JAM3: variants seen among roughly 807,000 people sequenced by gnomAD.
The protein encoded by JAM3 is junctional adhesion molecule 3, also known as junctional adhesion molecule C.
Under a neutral mutation model 39.4 loss-of-function variants are expected in JAM3, and 31 were observed. The ratio of observed to expected loss-of-function variants is 0.79; its 90% CI spans 0.59 to 1.06. The LOEUF is 1.06. Among genes scored for constraint, JAM3 ranks in the 50% least tolerant of loss-of-function variants. JAM3 has a pLI of 0.00. For synonymous variants in JAM3, 182 were observed against 148.7 expected, an observed-to-expected ratio of 1.22 and a Z score of -1.63; for missense variants, 455 against 391.4, an observed-to-expected ratio of 1.16 and a Z score of -1.37.
chr11:134,130,933 C>G (rs1942757809), intron 1 of JAM3, among the ~76,000 whole-genome samples: 1 of 152,142 alleles, frequency 6.6e-6, no homozygotes, highest in Non-Finnish European at 1.5e-5. Flanking sequence ...TGACTATAAA[C>G]CTACAGACGC....
chr11:134,072,364 GCTCACTGCAAAA>G (rs6144575), intron 1 of JAM3, among the ~76,000 whole-genome samples: 30,113 of 150,038 alleles, frequency 0.2, 3,197 homozygotes, highest in East Asian at 0.39. Flanking sequence ...CATGAGCTCA[GCTCACTGCAAAA>G]CTCACTGCAA....
intron 1 of JAM3, chr11:134,124,203 A>G (rs1942593781): frequency 1.4e-6 from 2 of 1,423,624 alleles, no homozygotes; most frequent in South Asian, 1.1e-5. Flanking sequence ...AACTCGAACC[A>G]AAGTCATCAC....
chr11:134,118,906 T>C (rs758066162), intron 1 of JAM3, among the ~76,000 whole-genome samples: 3 of 152,032 alleles, frequency 2.0e-5, no homozygotes, highest in Non-Finnish European at 4.4e-5. Context: ...TTAAGGTGGC[T>C]GCTAGGTGGA....
At chr11:134,099,052 T>G (rs557564695) in intron 1 of JAM3, among the ~76,000 whole-genome samples, 1 of 152,010 alleles carries the variant, frequency 6.6e-6, no homozygotes, top group East Asian at 1.9e-4. Flanking sequence ...ATACAAAAAT[T>G]AGCCATGTGT....
In JAM3 at chr11:134,130,227, G is replaced by T. The variant is rs1942742851; in HGVS notation, c.77-9624G>T. Reference sequence around the variant, plus strand: ...ATGCCAGTTTACCGACTTACAGTGAGAATGAGAGCTCCGTTATCAAAGAAA... The same window carrying T: ...ATGCCAGTTTACCGACTTACAGTGATAATGAGAGCTCCGTTATCAAAGAAA... On this transcript the variant is annotated intron_variant, in intron 1 of 8. Transcript: ENST00000299106. Among the ~76,000 whole-genome samples, 3 of 152,206 alleles carry T rather than the reference G, an allele frequency of 2.0e-5. No individual in the cohort carries two copies. The South Asian group carries it at 6.2e-4, about 32-fold the overall frequency.
At chr11:134,119,260 G>A (rs1022512053) in intron 1 of JAM3, among the ~76,000 whole-genome samples, 1 of 152,044 alleles carries the variant, frequency 6.6e-6, no homozygotes, top group Admixed American at 6.6e-5. Context: ...GGAAATGATA[G>A]AATCAAATAG....
chr11:134,080,241 A>G (rs1329943654), intron 1 of JAM3, among the ~76,000 whole-genome samples: 1 of 152,230 alleles, frequency 6.6e-6, no homozygotes, highest in Non-Finnish European at 1.5e-5. Flanking sequence ...GTAGCTGAGT[A>G]AAGAAAAATT....
At chr11:134,132,682 AATGGC>A (rs1208904322) in intron 1 of JAM3, among the ~76,000 whole-genome samples, 2 of 152,150 alleles carry the variant, frequency 1.3e-5, no homozygotes, top group Non-Finnish European at 2.9e-5. Context: ...GGTATTTCAA[AATGGC>A]TAACATTTCC....
intron 1 of JAM3, among the ~76,000 whole-genome samples, chr11:134,106,045 A>G (rs1336528869): frequency 1.3e-5 from 2 of 152,264 alleles, no homozygotes; most frequent in South Asian, 2.1e-4. Flanking sequence ...TGCCAAGTCA[A>G]TAATAAGCCA....
intron 6 of JAM3, 39 bp from the exon 7 acceptor site, chr11:134,148,508 G>A (rs555979256): frequency 3.1e-6 from 5 of 1,613,838 alleles, no homozygotes; most frequent in Non-Finnish European, 4.2e-6. Flanking sequence ...ATAACAGATA[G>A]TGTGTATCAT....
intron 1 of JAM3, chr11:134,124,246 T>A (rs1942595407): frequency 8.7e-7 from 1 of 1,149,646 alleles, no homozygotes; most frequent in African/African-American, 1.5e-5. Context: ...GGGAACTCGT[T>A]GAGAGTAGCA....
rs944200109 is a variant in JAM3 at position 134,080,594 on chromosome 11, T to C, written c.76+11435T>C. 2.6e-5 allele frequency among the ~76,000 whole-genome samples: 4 copies of C among 152,332 alleles called. No individual in the cohort carries two copies. In the South Asian group the frequency reaches 8.3e-4, roughly 32 times the overall value. ...CTCTTGTCTGTCGCCATATGAGACA[T>C]GCCTTTTACCTTCTGCCGTGATTGT... On this transcript the variant is annotated intron_variant, in intron 1 of 8. Transcript: ENST00000299106.
chr11:134,106,628 A>T (rs1260794599), intron 1 of JAM3, among the ~76,000 whole-genome samples: 1 of 152,216 alleles, frequency 6.6e-6, no homozygotes, highest in Non-Finnish European at 1.5e-5. Context: ...TCTACAAAGA[A>T]CTCAAATTTA....
chr11:134,085,047 C>T (rs1941726644), intron 1 of JAM3, among the ~76,000 whole-genome samples: 1 of 152,136 alleles, frequency 6.6e-6, no homozygotes, highest in African/African-American at 2.4e-5. Context: ...GAATACTCTG[C>T]CATCTTATTT....
intron 1 of JAM3, among the ~76,000 whole-genome samples, chr11:134,094,457 A>G (rs1388309488): frequency 1.5e-5 from 2 of 133,718 alleles, no homozygotes; most frequent in Non-Finnish European, 3.2e-5. Context: ...CTCCTTATTC[A>G]TCATGTTCCA....
intron 1 of JAM3, among the ~76,000 whole-genome samples, chr11:134,112,335 G>C (rs11604360): frequency 0.15 from 23,153 of 151,926 alleles, 1,920 homozygotes; most frequent in African/African-American, 0.22. Flanking sequence ...TGATCCACCT[G>C]TCTCAGCCTC....
intron 1 of JAM3, among the ~76,000 whole-genome samples, chr11:134,118,276 A>G (rs550526422): frequency 7.5e-4 from 115 of 152,328 alleles, no homozygotes; most frequent in African/African-American, 2.6e-3. Flanking sequence ...AGAGCCAAGA[A>G]TATTTTATAA....
At chr11:134,098,321 A>C (rs1942018787) in intron 1 of JAM3, among the ~76,000 whole-genome samples, 5 of 152,212 alleles carry the variant, frequency 3.3e-5, no homozygotes, top group Admixed American at 2.6e-4. Context: ...AATTAACTGA[A>C]ATCTTCTGTT....
Position 134,139,845 on chromosome 11 carries a change from C to CTG in JAM3, c.77-5_77-4insGT. On this transcript the variant is annotated splice_region_variant and splice_polypyrimidine_tract_variant and intron_variant, in intron 1 of 8. Transcript: ENST00000299106. ...GTCTCTGATTTTACTTTTCTTTCTCCTTCAGGCTGCCTGATAGGGGCTGTA... is the reference window on the plus strand; with the variant it reads ...GTCTCTGATTTTACTTTTCTTTCTCCTGTTCAGGCTGCCTGATAGGGGCTGTA... 1 of 1,612,656 alleles carries CTG rather than the reference C, an allele frequency of 6.2e-7. No homozygotes were observed. The highest frequency in any genetic ancestry group is 8.5e-7 in the Non-Finnish European group (1 of 1,178,666).
Sources: gnomAD v4.1 joint callset for allele counts (sites outside exome capture counted in the v4.1 genomes callset) on GRCh38, gnomAD v4.1.1 for gene constraint, MANE v1.5 for transcripts, NCBI Gene and HGNC (gene_info 2026-07-23, HGNC 2026-07-21) for gene names.